Variants in IQCH observed in about 807,000 individuals in gnomAD.
IQCH encodes the protein IQ domain-containing protein H.
In IQCH, 98 loss-of-function variants were observed where a neutral mutation model predicts 117.0. The observed-to-expected ratio is 0.84, with a 90% CI of 0.71 to 0.99. IQCH has a LOEUF of 0.99. IQCH is among the 50% of genes least tolerant of loss of function. The probability of loss-of-function intolerance (pLI) is 0.00; values close to 1 mark genes in which losing one functional copy is unlikely to be tolerated. For missense variants in IQCH, 1,102 were observed against 1,243.8 expected (o/e 0.89, Z 1.72); for synonymous variants, 412 against 448.2 (o/e 0.92, Z 1.02).
chr15:67,275,350 T>G (rs71400365), intron 3 of IQCH, among the ~76,000 whole-genome samples: 5,977 of 152,190 alleles, frequency 0.039, 212 homozygotes, highest in South Asian at 0.17. Flanking sequence ...TATAGAAATC[T>G]GATTTCCTTT....
In IQCH at chr15:67,491,592, G is replaced by A. The variant is rs1486221993; in HGVS notation, c.2861+1528G>A. ...TCTTGTTAAGAAAGTCACTTCCCTA[G>A]GGACTCTTCACCCATTTGTCACACT... is the stretch of plus-strand genomic sequence containing the variant. On this transcript the variant is annotated intron_variant, in intron 19 of 20. Coordinates refer to ENST00000335894, the MANE Select transcript of IQCH (RefSeq NM_001031715.3). This position sits in a 1 kb window ranked among gnomAD's most constrained non-coding sequence, Gnocchi z 4.9. Among the ~76,000 whole-genome samples the A allele has an allele frequency of 3.9e-5, 6 of 152,050 alleles. No homozygotes were observed. Among genetic ancestry groups the A allele is most frequent in the Non-Finnish European group, 7.4e-5 (5 of 68,006 alleles).
intron 10 of IQCH, among the ~76,000 whole-genome samples, chr15:67,383,317 G>A (rs1971002590): frequency 6.6e-6 from 1 of 152,136 alleles, no homozygotes. Flanking sequence ...CTTGATCAGT[G>A]GTAACAGAGG....
chr15:67,389,035 T>C, intron 12 of IQCH, 29 bp downstream of exon 12: 1 of 1,562,382 alleles, frequency 6.4e-7, no homozygotes. Context: ...TACTATGGTT[T>C]CAGGGATGCA....
At position 67,441,677 on chromosome 15, in the gene IQCH, T is replaced by C. The variant is rs113220709; in HGVS notation, c.2505+20100T>C. On this transcript the variant is annotated intron_variant, in intron 16 of 20. Transcript: ENST00000335894. ...AACAAATGGTGCTGGGATAATTGACTAGCCACATTTAGGAGAGTGAAACTG... is the reference window on the plus strand; with the variant it reads ...AACAAATGGTGCTGGGATAATTGACCAGCCACATTTAGGAGAGTGAAACTG... Among the ~76,000 whole-genome samples, 538 of 152,316 alleles carry C rather than the reference T, an allele frequency of 3.5e-3. 8 individuals are homozygous for C. The highest frequency in any genetic ancestry group is 0.012 in the African/African-American group (512 of 41,574).
intron 4 of IQCH, among the ~76,000 whole-genome samples, chr15:67,282,433 C>T (rs1966397585): frequency 6.6e-6 from 1 of 151,572 alleles, no homozygotes; most frequent in Non-Finnish European, 1.5e-5. Context: ...TGAAGATGCA[C>T]TGTGTTCTTT....
rs1457839430 is a variant in IQCH at position 67,463,530 on chromosome 15, CT to C, written c.2506-1596del. Among the ~76,000 whole-genome samples the C allele has an allele frequency of 1.3e-5, 2 of 152,170 alleles. No individual in the cohort carries two copies. On this transcript the variant is annotated intron_variant, in intron 16 of 20. Transcript: ENST00000335894. This position sits in a 1 kb window ranked among gnomAD's most constrained non-coding sequence, Gnocchi z 4.0. ...TTCCTAACTCAGTGGATTTGGGTAC[CT>C]CCCTGAACCTCAGTTTCTTCATCTG...
At chr15:67,283,000 A>G (rs999957961) in intron 4 of IQCH, among the ~76,000 whole-genome samples, 2 of 152,216 alleles carry the variant, frequency 1.3e-5, no homozygotes, top group Admixed American at 1.3e-4. Flanking sequence ...CTTGAAAAAA[A>G]TAGAATCAGT....
At chr15:67,350,037 T>C (rs1210812359) in intron 6 of IQCH, among the ~76,000 whole-genome samples, 2 of 152,228 alleles carry the variant, frequency 1.3e-5, no homozygotes, top group African/African-American at 2.4e-5. Flanking sequence ...TTACCCAAGA[T>C]AAATGAAAAC....
At chr15:67,421,655 CAT>C in intron 16 of IQCH, 78 bp downstream of exon 16, 1 of 1,381,608 alleles carries the variant, frequency 7.2e-7, no homozygotes, top group Non-Finnish European at 1.0e-6. Context: ...TACAACAGGG[CAT>C]ATGAGGGCTC....
intron 4 of IQCH, among the ~76,000 whole-genome samples, chr15:67,332,286 C>T (rs1199423928): frequency 6.6e-6 from 1 of 152,120 alleles, no homozygotes; most frequent in Non-Finnish European, 1.5e-5. Flanking sequence ...AAGAATGCTT[C>T]AGACATCCAG....
Position 67,400,188 on chromosome 15 carries a change from G to A in IQCH, c.1980G>A (p.Glu660=), listed in dbSNP as rs1455470124. 3.1e-6 allele frequency: 5 copies of A among 1,613,822 alleles called. No homozygotes were observed. Among genetic ancestry groups the A allele is most frequent in the Non-Finnish European group, 3.4e-6 (4 of 1,179,806 alleles). Residue 660 remains glutamate (E), a synonymous_variant, in exon 14 of 21, where the codon GAG becomes GAA. Coordinates refer to ENST00000335894, the MANE Select transcript of IQCH (RefSeq NM_001031715.3). ...GTTGGCTCTTTAAAATGGACTCTGA[G>A]TTCCGAGGAAATGGGACTGCATTTT... ...IQRWLFKMDS[E]FRGNGTAFCD...
rs184206671 is a variant in IQCH at position 67,481,921 on chromosome 15, G to A, written c.2799+6103G>A. ...CCTCAACTATCTACAGGCAGGAAGT[G>A]GGTGAGAAAGTTTTAAAATTGCTAA... On this transcript the variant is annotated intron_variant, in intron 18 of 20. Coordinates refer to ENST00000335894, the MANE Select transcript of IQCH (RefSeq NM_001031715.3). This position sits in a 1 kb window ranked among gnomAD's most constrained non-coding sequence, Gnocchi z 4.1. 1.3e-5 allele frequency among the ~76,000 whole-genome samples: 2 copies of A among 152,296 alleles called. No homozygotes were observed. Among genetic ancestry groups the A allele is most frequent in the Non-Finnish European group, 2.9e-5 (2 of 68,032 alleles).
At chr15:67,316,450 A>G (rs1967849635) in intron 4 of IQCH, among the ~76,000 whole-genome samples, 1 of 152,196 alleles carries the variant, frequency 6.6e-6, no homozygotes, top group African/African-American at 2.4e-5. Context: ...CTAAACATTT[A>G]CATCCCAGGG....
chr15:67,385,036 T>A lies in IQCH; in HGVS notation c.1456+17T>A. On this transcript the variant is annotated intron_variant, in intron 11 of 20. Transcript: ENST00000335894. The surrounding 1 kb of genome is among the most constrained non-coding windows in gnomAD (Gnocchi z 4.6). ...ACATCTTAGGTACAGTAAATAGTTT[T>A]ACACAAATGACTCTTTGGAATGTTT... The A allele has an allele frequency of 6.9e-7, 1 of 1,449,308 alleles. No homozygotes were observed. The highest frequency in any genetic ancestry group is 9.7e-7 in the Non-Finnish European group (1 of 1,031,156). The allele number at this position is 1,449,308 out of a possible 1,614,324, so 89.8% of individuals were successfully genotyped here.
intron 5 of IQCH, among the ~76,000 whole-genome samples, chr15:67,338,304 A>G (rs984186506): frequency 6.6e-6 from 1 of 152,148 alleles, no homozygotes; most frequent in Non-Finnish European, 1.5e-5. Context: ...ATAAAAGTAA[A>G]TGTAGAATTT....
rs1387781907 is a variant in IQCH at position 67,406,201 on chromosome 15, G to A, written c.2097+5896G>A. Reference sequence around the variant, plus strand: ...GAGTAGCCCACCTTCACAATCAGATGTAGCATTAAAAATATGGTAAGCATT... The same window carrying A: ...GAGTAGCCCACCTTCACAATCAGATATAGCATTAAAAATATGGTAAGCATT... On this transcript the variant is annotated intron_variant, in intron 14 of 20. Coordinates refer to ENST00000335894, the MANE Select transcript of IQCH (RefSeq NM_001031715.3). The surrounding 1 kb of genome is among the most constrained non-coding windows in gnomAD (Gnocchi z 4.5). 4 of 152,204 alleles carry A rather than the reference G, an allele frequency of 2.6e-5. No individual in the cohort carries two copies. The highest frequency in any genetic ancestry group is 7.2e-5 in the African/African-American group (3 of 41,458). 9.4% of individuals were successfully genotyped at this position (152,204 alleles called of 1,614,324 possible).
intron 10 of IQCH, among the ~76,000 whole-genome samples, chr15:67,378,440 GC>G (rs1970811359): frequency 6.8e-6 from 1 of 148,136 alleles, no homozygotes; most frequent in East Asian, 2.0e-4. Flanking sequence ...CCATAGTTTA[GC>G]TATGGTGTTG....
At chr15:67,281,558 T>G (rs191142368) in intron 4 of IQCH, 8 of 369,778 alleles carry the variant, frequency 2.2e-5, no homozygotes, top group Admixed American at 2.0e-4. Context: ...GCAGCCTCCT[T>G]CAGAGAGAAT....
chr15:67,357,042 T>G (rs952200489), intron 6 of IQCH, among the ~76,000 whole-genome samples: 1 of 152,226 alleles, frequency 6.6e-6, no homozygotes, highest in African/African-American at 2.4e-5. Flanking sequence ...AAGACAGATA[T>G]TACTCTCTAA....
Sources: allele counts gnomAD v4.1 joint callset (sites outside exome capture counted in the v4.1 genomes callset), GRCh38; gene constraint gnomAD v4.1.1; non-coding constraint Gnocchi (gnomAD v3.1); transcripts MANE v1.5; gene names NCBI Gene and HGNC (gene_info 2026-07-23, HGNC 2026-07-21).